IFT43: variants seen among roughly 807,000 people sequenced by gnomAD.
IFT43 encodes the protein intraflagellar transport protein 43 homolog.
IFT43 carries 33 observed loss-of-function variants against 32.3 expected under a neutral mutation model. That is an observed-to-expected ratio of 1.02 (90% CI 0.77 to 1.37). The LOEUF (loss-of-function observed/expected upper bound fraction) is 1.37. Among genes scored for constraint, IFT43 ranks in the 40% most tolerant of loss-of-function variants. The pLI is 0.00. For missense variants in IFT43, 274 were observed against 265.9 expected, an observed-to-expected ratio of 1.03 and a Z score of -0.21; for synonymous variants, 93 against 98.2, an observed-to-expected ratio of 0.95 and a Z score of 0.31.
intron 3 of IFT43, among the ~76,000 whole-genome samples, chr14:76,047,829 G>A (rs2036838821): frequency 6.6e-6 from 1 of 151,824 alleles, no homozygotes; most frequent in Non-Finnish European, 1.5e-5. Flanking sequence ...GCAAGGAAGG[G>A]ACTGCGTGGG....
chr14:76,026,569 A>AAT (rs1215208154), intron 3 of IFT43, among the ~76,000 whole-genome samples: 5 of 152,000 alleles, frequency 3.3e-5, no homozygotes, highest in African/African-American at 1.2e-4. Context: ...AAAAAAAAAA[A>AAT]AAGTCAAAAA....
At position 76,043,677 on chromosome 14, in the gene IFT43, A is replaced by G. The variant is rs561349964; in HGVS notation, c.216-14965A>G. Among the ~76,000 whole-genome samples, 11 of 152,278 alleles carry G rather than the reference A, an allele frequency of 7.2e-5. No homozygotes were observed. The East Asian group carries it at 1.5e-3, about 21-fold the overall frequency. ...CACAATGTGGAAACTGTTTTCTCCTACTATACCCTCAGTGCTCCACCTCTG... is the reference window on the plus strand; with the variant it reads ...CACAATGTGGAAACTGTTTTCTCCTGCTATACCCTCAGTGCTCCACCTCTG... On this transcript the variant is annotated intron_variant, in intron 3 of 8. Coordinates refer to ENST00000314067, the MANE Select transcript of IFT43 (RefSeq NM_001102564.3).
At chr14:76,081,490 T>C (rs2037509551) in intron 5 of IFT43, among the ~76,000 whole-genome samples, 1 of 152,194 alleles carries the variant, frequency 6.6e-6, no homozygotes, top group Non-Finnish European at 1.5e-5. Flanking sequence ...GGATGTTAGG[T>C]TGACCCATGA....
At chr14:76,073,715 G>A (rs747192111) in intron 5 of IFT43, among the ~76,000 whole-genome samples, 1 of 152,184 alleles carries the variant, frequency 6.6e-6, no homozygotes, top group Non-Finnish European at 1.5e-5. Context: ...TCAAGAGAAA[G>A]CTCTTGAAAG....
intron 2 of IFT43, among the ~76,000 whole-genome samples, chr14:76,008,763 C>G (rs1183771984): frequency 6.6e-6 from 1 of 152,200 alleles, no homozygotes; most frequent in Non-Finnish European, 1.5e-5. Flanking sequence ...AAAGACACAG[C>G]TATTTTCCAA....
chr14:76,027,349 C>CACACTT (rs71122512), intron 3 of IFT43, among the ~76,000 whole-genome samples: 1 of 146,910 alleles, frequency 6.8e-6, no homozygotes, highest in East Asian at 2.0e-4. Context: ...CACACACACA[C>CACACTT]TTTTTCCCAA....
At chr14:76,016,399 C>T (rs1053328218) in intron 2 of IFT43, among the ~76,000 whole-genome samples, 2 of 152,068 alleles carry the variant, frequency 1.3e-5, no homozygotes, top group Non-Finnish European at 2.9e-5. Context: ...TTTCTATTCT[C>T]TTCCTTTGAT....
chr14:75,996,855 T>C (rs1234392401), intron 2 of IFT43, among the ~76,000 whole-genome samples: 2 of 152,230 alleles, frequency 1.3e-5, no homozygotes, highest in Non-Finnish European at 2.9e-5. Context: ...AAATATTCAT[T>C]CATTTATGAA....
intron 5 of IFT43, among the ~76,000 whole-genome samples, chr14:76,071,476 G>A (rs1369609075): frequency 6.6e-6 from 1 of 152,168 alleles, no homozygotes; most frequent in Non-Finnish European, 1.5e-5. Flanking sequence ...CTCTCCAGGT[G>A]CGGGGAAAGG....
At chr14:76,036,398 TTCTG>T (rs1167344717) in intron 3 of IFT43, among the ~76,000 whole-genome samples, 14 of 148,326 alleles carry the variant, frequency 9.4e-5, no homozygotes, top group Middle Eastern at 3.5e-3. Context: ...CTTTCGTTCT[TTCTG>T]TCTTTCTTTT....
intron 2 of IFT43, among the ~76,000 whole-genome samples, chr14:75,991,645 T>C (rs1255059810): frequency 6.6e-6 from 1 of 152,038 alleles, no homozygotes; most frequent in Non-Finnish European, 1.5e-5. Flanking sequence ...AGAATATAAC[T>C]CCATAGTCAC....
intron 2 of IFT43, among the ~76,000 whole-genome samples, chr14:76,017,338 T>C (rs947227483): frequency 2.0e-5 from 3 of 152,320 alleles, no homozygotes; most frequent in Admixed American, 2.0e-4. Flanking sequence ...TCTATTGGTG[T>C]TATATATCAG....
At chr14:76,049,295 A>G (rs891718327) in intron 3 of IFT43, among the ~76,000 whole-genome samples, 5 of 152,174 alleles carry the variant, frequency 3.3e-5, no homozygotes, top group African/African-American at 4.8e-5. Flanking sequence ...ACATCCTCTG[A>G]TCATGCCAAT....
At chr14:76,045,177 T>C (rs934335731) in intron 3 of IFT43, among the ~76,000 whole-genome samples, 4 of 152,188 alleles carry the variant, frequency 2.6e-5, no homozygotes, top group African/African-American at 4.8e-5. Context: ...TCATCCTCCT[T>C]CTTTATAGCA....
chr14:76,024,393 A>G (rs115683483), intron 3 of IFT43, among the ~76,000 whole-genome samples: 2,134 of 152,348 alleles, frequency 0.014, 57 homozygotes, highest in African/African-American at 0.044. Flanking sequence ...AGGAAGCAAC[A>G]TCACAATAAG....
intron 2 of IFT43, among the ~76,000 whole-genome samples, chr14:76,020,320 TTAA>T (rs1180766354): frequency 6.6e-6 from 1 of 152,208 alleles, no homozygotes; most frequent in Non-Finnish European, 1.5e-5. Context: ...CTGAGTTTCT[TTAA>T]TATCATTGTT....
intron 5 of IFT43, chr14:76,076,448 C>T: frequency 3.5e-6 from 4 of 1,152,746 alleles, no homozygotes; most frequent in Non-Finnish European, 5.0e-6. Context: ...GCATCTCTGC[C>T]TGGGTGGGAC....
chr14:76,076,473 G>A (rs1449210559), intron 5 of IFT43: 19 of 1,440,848 alleles, frequency 1.3e-5, no homozygotes, highest in Non-Finnish European at 1.7e-5. Context: ...GGGCCAGATT[G>A]GGGTGTCTCC....
At position 76,011,404 on chromosome 14, in the gene IFT43, A is replaced by G. The variant is rs963076715; in HGVS notation, c.148-10923A>G. The stretch of plus-strand genomic sequence containing the variant: ...ATTCCAGATGAATGGTTTAGGCAGG[A>G]AGTTTTCCTGGGTGGTGTCATGTGT... On this transcript the variant is annotated intron_variant, in intron 2 of 8. Transcript: ENST00000314067. Among the ~76,000 whole-genome samples the G allele has an allele frequency of 2.6e-5, 4 of 152,330 alleles. No individual in the cohort carries two copies. In the East Asian group the frequency reaches 7.7e-4, roughly 29 times the overall value.
Sources: gnomAD v4.1 joint callset for allele counts (sites outside exome capture counted in the v4.1 genomes callset) on GRCh38, gnomAD v4.1.1 for gene constraint, MANE v1.5 for transcripts, NCBI Gene and HGNC (gene_info 2026-07-23, HGNC 2026-07-21) for gene names.